SEMA3A: variants seen among roughly 807,000 people sequenced by gnomAD.
SEMA3A encodes semaphorin 3A.
SEMA3A carries 29 observed loss-of-function variants against 97.9 expected under a neutral mutation model. The ratio of observed to expected loss-of-function variants is 0.30; its 90% CI spans 0.22 to 0.40. SEMA3A has a LOEUF of 0.40. Ranked by LOEUF, SEMA3A falls within the 10% of genes least tolerant of loss-of-function variation. The probability of loss-of-function intolerance (pLI) is 1.00; values close to 1 mark genes in which losing one functional copy is unlikely to be tolerated. For missense variants in SEMA3A, 763 were observed against 951.3 expected (o/e 0.80, Z 2.60); for synonymous variants, 321 against 323.7 (o/e 0.99, Z 0.09).
At chr7:84,404,974 A>C (rs1472396047) in intron 1 of SEMA3A, among the ~76,000 whole-genome samples, 1 of 152,214 alleles carries the variant, frequency 6.6e-6, no homozygotes, top group African/African-American at 2.4e-5. Context: ...GGCTAGGAAG[A>C]AACTGTATCA....
chr7:84,022,145 A>G (rs1044861181), intron 6 of SEMA3A, among the ~76,000 whole-genome samples: 3 of 152,198 alleles, frequency 2.0e-5, no homozygotes, highest in African/African-American at 7.2e-5. Flanking sequence ...AGAACAATGC[A>G]TATTTGGAGA....
At chr7:84,424,884 A>G (rs1294125862) in intron 1 of SEMA3A, among the ~76,000 whole-genome samples, 8 of 83,274 alleles carry the variant, frequency 9.6e-5, no homozygotes, top group East Asian at 5.2e-4. Context: ...ATATAATATT[A>G]TATATAAATA....
At chr7:84,473,845 A>G (rs1363897419) in intron 1 of SEMA3A, among the ~76,000 whole-genome samples, 1 of 152,212 alleles carries the variant, frequency 6.6e-6, no homozygotes, top group East Asian at 1.9e-4. Flanking sequence ...TAAATTAAGA[A>G]CATTAAAAAG....
At chr7:83,971,582 A>T (rs797807) in intron 15 of SEMA3A, among the ~76,000 whole-genome samples, 42,896 of 152,034 alleles carry the variant, frequency 0.28, 6,993 homozygotes, top group East Asian at 0.63. Context: ...GTCTAGTATG[A>T]CATTTTCACC....
intron 4 of SEMA3A, among the ~76,000 whole-genome samples, chr7:84,094,845 T>C (rs190384049): frequency 5.2e-4 from 79 of 152,166 alleles, no homozygotes; most frequent in Admixed American, 4.5e-3. Flanking sequence ...CATCTGTATA[T>C]AGAACTGATC....
chr7:84,216,003 A>G (rs1456649720), intron 3 of SEMA3A, among the ~76,000 whole-genome samples: 7 of 152,246 alleles, frequency 4.6e-5, no homozygotes, highest in African/African-American at 1.7e-4. Flanking sequence ...TTGAACAAAT[A>G]GCTATTAAGG....
At chr7:84,414,976 C>T (rs950981161) in intron 1 of SEMA3A, among the ~76,000 whole-genome samples, 2 of 151,948 alleles carry the variant, frequency 1.3e-5, no homozygotes, top group African/African-American at 4.8e-5. Flanking sequence ...AAAATAAATA[C>T]ATCTAAAATA....
intron 15 of SEMA3A, among the ~76,000 whole-genome samples, chr7:83,970,264 G>C (rs1353706343): frequency 6.6e-6 from 1 of 152,098 alleles, no homozygotes; most frequent in Non-Finnish European, 1.5e-5. Context: ...TTATGGAAAT[G>C]AAATGAAGCT....
At chr7:84,373,243 C>T (rs746107074) in intron 1 of SEMA3A, among the ~76,000 whole-genome samples, 3 of 152,152 alleles carry the variant, frequency 2.0e-5, no homozygotes, top group Non-Finnish European at 4.4e-5. Flanking sequence ...TTAAGGCCAC[C>T]AACTTTCCTG....
At position 84,080,097 on chromosome 7, in the gene SEMA3A, G is replaced by A. The variant is rs1168059720; in HGVS notation, c.454-19539C>T. 7.8e-4 allele frequency among the ~76,000 whole-genome samples: 109 copies of A among 140,438 alleles called. 1 individual carries two copies. Among genetic ancestry groups the A allele is most frequent in the East Asian group, 7.4e-3 (34 of 4,584 alleles). 92.1% of individuals were successfully genotyped at this position (140,438 alleles called of 152,430 possible). A position where few individuals can be genotyped will look rare whatever the true frequency, so the allele number is the denominator to read the frequency against. The stretch of plus-strand genomic sequence containing the variant: ...AAATCATCATTCTCAGTAAACTATC[G>A]CAAGGACAAAAAACCAAACACTGCA... On this transcript the variant is annotated intron_variant, in intron 4 of 16. Coordinates refer to ENST00000265362, the MANE Select transcript of SEMA3A (RefSeq NM_006080.3).
intron 3 of SEMA3A, among the ~76,000 whole-genome samples, chr7:84,301,484 A>G (rs1801015471): frequency 6.6e-6 from 1 of 152,184 alleles, no homozygotes; most frequent in South Asian, 2.1e-4. Flanking sequence ...GCAAATTAAA[A>G]TATGCTCAAT....
At chr7:84,376,427 C>T (rs1484321485) in intron 1 of SEMA3A, among the ~76,000 whole-genome samples, 2 of 122,890 alleles carry the variant, frequency 1.6e-5, no homozygotes, top group South Asian at 2.8e-4. Context: ...ACAGTGAAAC[C>T]CCGTCTCTAC....
At chr7:84,179,568 C>G (rs984757137) in intron 1 of SEMA3A, among the ~76,000 whole-genome samples, 1 of 152,104 alleles carries the variant, frequency 6.6e-6, no homozygotes, top group Non-Finnish European at 1.5e-5. Context: ...TGTTTTACAT[C>G]TGAATGATAG....
chr7:84,060,367 T>C lies in SEMA3A; in HGVS notation c.547+98A>G, dbSNP rs891228591. 8 of 773,226 alleles carry C rather than the reference T, an allele frequency of 1.0e-5. No homozygotes were observed. The African/African-American group carries it at 1.3e-4, about 12-fold the overall frequency. The allele number at this position is 773,226 out of a possible 1,614,324, so 47.9% of individuals were successfully genotyped here. On this transcript the variant is annotated intron_variant, in intron 5 of 16. Transcript: ENST00000265362. ...AACTAATGTCCTTCTAAAACAATTA[T>C]TATTTCATAATGGAAAATCTTGGTA...
At chr7:84,444,869 C>T (rs764323162) in intron 1 of SEMA3A, among the ~76,000 whole-genome samples, 3 of 152,030 alleles carry the variant, frequency 2.0e-5, no homozygotes, top group Non-Finnish European at 4.4e-5. Flanking sequence ...TATTTGTAAA[C>T]TGCTCATTTC....
chr7:84,185,832 A>C (rs2116251630), intron 1 of SEMA3A, among the ~76,000 whole-genome samples: 1 of 152,254 alleles, frequency 6.6e-6, no homozygotes, highest in African/African-American at 2.4e-5. Context: ...ACCAAAATCA[A>C]CGTCCTTTTC....
intron 3 of SEMA3A, among the ~76,000 whole-genome samples, chr7:84,282,203 GT>G (rs769089262): frequency 9.9e-5 from 15 of 151,908 alleles, no homozygotes; most frequent in Non-Finnish European, 1.9e-4. Context: ...ATGATTTTTA[GT>G]CACTGCTGGA....
chr7:84,357,290 C>G (rs1316988278), intron 2 of SEMA3A, among the ~76,000 whole-genome samples: 1 of 150,244 alleles, frequency 6.7e-6, no homozygotes, highest in Non-Finnish European at 1.5e-5. Flanking sequence ...CCCACCCCCC[C>G]TCCACCCACA....
At chr7:84,270,660 CAT>C (rs1392668408) in intron 3 of SEMA3A, among the ~76,000 whole-genome samples, 3 of 146,726 alleles carry the variant, frequency 2.0e-5, no homozygotes, top group African/African-American at 7.5e-5. Flanking sequence ...ATATTCTATT[CAT>C]ATATATATGA....
Sources: gnomAD v4.1 joint callset for allele counts (sites outside exome capture counted in the v4.1 genomes callset) on GRCh38, gnomAD v4.1.1 for gene constraint, MANE v1.5 for transcripts, NCBI Gene and HGNC (gene_info 2026-07-23, HGNC 2026-07-21) for gene names.